ADAMTS4: variants seen among roughly 807,000 people sequenced by gnomAD.
ADAMTS4 encodes the protein A disintegrin and metalloproteinase with thrombospondin motifs 4.
In ADAMTS4, 38 loss-of-function variants were observed where a neutral mutation model predicts 66.7. The observed-to-expected ratio is 0.57, with a 90% confidence interval of 0.44 to 0.75. ADAMTS4 has a LOEUF of 0.75. Ranked by LOEUF, ADAMTS4 falls within the 30% of genes least tolerant of loss-of-function variation. The probability of loss-of-function intolerance (pLI) is 0.00; values close to 1 mark genes in which losing one functional copy is unlikely to be tolerated. For missense variants in ADAMTS4, 1,014 were observed against 1,116.7 expected (o/e 0.91, Z 1.31); for synonymous variants, 418 against 461.5 (o/e 0.91, Z 1.21).
rs1007327166 is a variant in ADAMTS4, at chr1:161,189,267, G to A, written c.*1871C>T. The A allele has an allele frequency of 6.6e-6, 1 of 151,976 alleles. No individual in the cohort carries two copies. Among genetic ancestry groups the A allele is most frequent in the African/African-American group, 2.4e-5 (1 of 41,356 alleles). 9.4% of individuals were successfully genotyped at this position (151,976 alleles called of 1,614,324 possible). A position where few individuals can be genotyped will look rare whatever the true frequency, so the allele number is the denominator to read the frequency against. The stretch of plus-strand genomic sequence containing the variant: ...GTTAGTCCCATATGAGCAATCTAAG[G>A]CTCAGCATCAGTGACTTACCCAACA... On this transcript the variant is annotated 3_prime_UTR_variant, in exon 9 of 9. Coordinates refer to ENST00000367996, the MANE Select transcript of ADAMTS4 (RefSeq NM_005099.6).
rs977035694 is a variant in ADAMTS4, at chr1:161,193,876, C to A, written c.1549-50G>T. The A allele has an allele frequency of 2.6e-6, 4 of 1,566,912 alleles. No homozygotes were observed. Among genetic ancestry groups the A allele is most frequent in the Non-Finnish European group, 3.5e-6 (4 of 1,154,252 alleles). On this transcript the variant is annotated intron_variant, in intron 5 of 8. Coordinates refer to ENST00000367996, the MANE Select transcript of ADAMTS4 (RefSeq NM_005099.6). The surrounding 1 kb of genome is among the most constrained non-coding windows in gnomAD (Gnocchi z 4.4). ...GGGCATAAGTGAACTCTCTCCTGGGCTTAAGGCCAGTCCCCACACCCCCGG... is the reference window on the plus strand; with the variant it reads ...GGGCATAAGTGAACTCTCTCCTGGGATTAAGGCCAGTCCCCACACCCCCGG...
At position 161,187,743 on chromosome 1, in the gene ADAMTS4, G is replaced by C. The variant is rs1205689010; in HGVS notation, c.*3395C>G. ...TGCTATGGCAGAGTGAAGTGCCTTTGGTTCCCCCATTCTTCACTCTTCCAC... is the reference window on the plus strand; with the variant it reads ...TGCTATGGCAGAGTGAAGTGCCTTTCGTTCCCCCATTCTTCACTCTTCCAC... On this transcript the variant is annotated 3_prime_UTR_variant, in exon 9 of 9. Coordinates refer to ENST00000367996, the MANE Select transcript of ADAMTS4 (RefSeq NM_005099.6). 1 of 152,102 alleles carries C rather than the reference G, an allele frequency of 6.6e-6. No individual in the cohort carries two copies. Among genetic ancestry groups the C allele is most frequent in the Non-Finnish European group, 1.5e-5 (1 of 68,036 alleles). 9.4% of individuals were successfully genotyped at this position (152,102 alleles called of 1,614,324 possible). A position where few individuals can be genotyped will look rare whatever the true frequency, so the allele number is the denominator to read the frequency against.
rs1412095943 is a variant in ADAMTS4 at position 161,198,602 on chromosome 1, C to T, written c.26G>A (p.Gly9Glu). ...CAGCCAGCGCCCTGCCAAGCCCCTC[C>T]CGGGATGCGAGCCTGTCTGGGACAT... is the stretch of plus-strand genomic sequence containing the variant. MSQTGSHP[G>E]RGLAGRWLWG... Residue 9 changes from glycine to glutamate, a missense_variant, in exon 1 of 9, where the codon GGG (glycine) becomes GAG (glutamate). Transcript: ENST00000367996. The surrounding 1 kb of genome is among the most constrained non-coding windows in gnomAD (Gnocchi z 4.7). 2 of 1,538,212 alleles carry T rather than the reference C, an allele frequency of 1.3e-6. No individual in the cohort carries two copies. The highest frequency in any genetic ancestry group is 2.5e-5 in the South Asian group (2 of 80,748).
chr1:161,192,220 AC>A lies in ADAMTS4; in HGVS notation c.1931del (p.Cys644PhefsTer86). On this transcript the variant is annotated frameshift_variant, in exon 8 of 9. Coordinates refer to ENST00000367996, the MANE Select transcript of ADAMTS4 (RefSeq NM_005099.6). LOFTEE classifies it high-confidence loss of function. ...CACAGACCGAGGAGCTGTCCGGGGA[AC>A]AGGGGGTCCCATCTACCACCTGAGG... ...LEPRVVDGTP[C>X]SPDSSSVCVQ... The A allele has an allele frequency of 6.2e-7, 1 of 1,613,836 alleles. No homozygotes were observed. The highest frequency in any genetic ancestry group is 8.5e-7 in the Non-Finnish European group (1 of 1,179,854).
Position 161,198,510 on chromosome 1 carries a change from G to T in ADAMTS4, c.118C>A (p.Leu40Ile). 6.4e-7 allele frequency: 1 copy of T among 1,566,360 alleles called. No homozygotes were observed. Among genetic ancestry groups the T allele is most frequent in the East Asian group, 2.4e-5 (1 of 42,092 alleles). Residue 40 changes from leucine (L) to isoleucine (I), a missense_variant, in exon 1 of 9, where the codon CTA becomes ATA. By Grantham distance (5) the Leu-to-Ile change is conservative. Coordinates refer to ENST00000367996, the MANE Select transcript of ADAMTS4 (RefSeq NM_005099.6). This position sits in a 1 kb window ranked among gnomAD's most constrained non-coding sequence, Gnocchi z 4.7. ...GAGGGCAGGAGAGAGGCCAGCAGTA[G>T]CAGAAGCAGCCACACCAGCCAGGAG... ...PLSWLVWLLL[L>I]LLASLLPSAR...
In ADAMTS4 at chr1:161,195,535, A is replaced by G. The variant is rs1411639454; in HGVS notation, c.1191T>C (p.His397=). ...GGGACCAGGGCTCCTCAGGATCCACATGAGCCATCACAGGGGCCATGACAT... is the reference window on the plus strand; with the variant it reads ...GGGACCAGGGCTCCTCAGGATCCACGTGAGCCATCACAGGGGCCATGACAT... The part of the protein sequence containing the change: ...SRHVMAPVMA[H]VDPEEPWSPC... Residue 397 remains histidine (H), a synonymous_variant, in exon 4 of 9, where the codon CAT becomes CAC. Coordinates refer to ENST00000367996, the MANE Select transcript of ADAMTS4 (RefSeq NM_005099.6). 6.2e-7 allele frequency: 1 copy of G among 1,613,916 alleles called. No homozygotes were observed. Among genetic ancestry groups the G allele is most frequent in the Non-Finnish European group, 8.5e-7 (1 of 1,179,946 alleles).
At position 161,189,814 on chromosome 1, in the gene ADAMTS4, A is replaced by T. The variant is rs1347982024; in HGVS notation, c.*1324T>A. ...ACAACAAACTTCTAAGGGAGGTATT[A>T]TTATTGGCAAATGAGAAATCTAATG... is the stretch of plus-strand genomic sequence containing the variant. On this transcript the variant is annotated 3_prime_UTR_variant, in exon 9 of 9. Coordinates refer to ENST00000367996, the MANE Select transcript of ADAMTS4 (RefSeq NM_005099.6). The T allele has an allele frequency of 6.6e-6, 1 of 152,254 alleles. No homozygotes were observed. Among genetic ancestry groups the T allele is most frequent in the East Asian group, 1.9e-4 (1 of 5,208 alleles). The allele number at this position is 152,254 out of a possible 1,614,324, so 9.4% of individuals were successfully genotyped here.
Position 161,198,234 on chromosome 1 carries a change from TGGTGCCAGTCAGGTA to T in ADAMTS4, c.379_393del (p.Tyr127_Thr131del). ...GCCACCGACTCCGGATCTCCATTGA[TGGTGCCAGTCAGGTA>T]GGTGCCAGGCTCTGCTCCACCCAGC... is the stretch of plus-strand genomic sequence containing the variant. On this transcript the variant is annotated inframe_deletion, in exon 1 of 9. Coordinates refer to ENST00000367996, the MANE Select transcript of ADAMTS4 (RefSeq NM_005099.6). The surrounding 1 kb of genome is among the most constrained non-coding windows in gnomAD (Gnocchi z 4.7). 6.2e-7 allele frequency: 1 copy of T among 1,614,128 alleles called. No individual in the cohort carries two copies. The highest frequency in any genetic ancestry group is 8.5e-7 in the Non-Finnish European group (1 of 1,179,994).
At position 161,193,183 on chromosome 1, in the gene ADAMTS4, G is replaced by T. The variant is rs1258064600; in HGVS notation, c.1911+30C>A. The T allele has an allele frequency of 6.3e-7, 1 of 1,596,000 alleles. No individual in the cohort carries two copies. ...AGCACTGCGGGTGTGTGTGACCATA[G>T]ACAGGGCCTGGGGGTGTCCTGACCC... On this transcript the variant is annotated intron_variant, in intron 7 of 8. Transcript: ENST00000367996. The surrounding 1 kb of genome is among the most constrained non-coding windows in gnomAD (Gnocchi z 4.4).
chr1:161,184,408 T>C lies in ADAMTS4; in HGVS notation c.*6730A>G, dbSNP rs1353112423. On this transcript the variant is annotated 3_prime_UTR_variant, in exon 9 of 9. Coordinates refer to ENST00000367996, the MANE Select transcript of ADAMTS4 (RefSeq NM_005099.6). ...AGTCTGGACCTCTCTATAAGGCAGG[T>C]AATAGTACAAACGTTTTGTAGGTAA... The C allele has an allele frequency of 6.6e-6, 1 of 152,216 alleles. No homozygotes were observed. Among genetic ancestry groups the C allele is most frequent in the Non-Finnish European group, 1.5e-5 (1 of 68,044 alleles). The allele number at this position is 152,216 out of a possible 1,614,324, so 9.4% of individuals were successfully genotyped here.
Position 161,191,301 on chromosome 1 carries a change from T to G in ADAMTS4, c.2351A>C (p.Gln784Pro). The G allele has an allele frequency of 6.2e-7, 1 of 1,613,940 alleles. No homozygotes were observed. Among genetic ancestry groups the G allele is most frequent in the South Asian group, 1.1e-5 (1 of 91,090 alleles). Reference protein sequence around the residue: ...HGPLAQPLTLQVLVAGNPQDT... With the variant: ...HGPLAQPLTLPVLVAGNPQDT... Reference sequence around the variant, plus strand: ...CTGGGGGTTGCCAGCCACTAGGACTTGCAGTGTCAAAGGCTGGGCCAGTGG... The same window carrying G: ...CTGGGGGTTGCCAGCCACTAGGACTGGCAGTGTCAAAGGCTGGGCCAGTGG... The change falls in exon 9 of 9, where the codon CAA (glutamine) becomes CCA (proline). Residue 784 changes from glutamine to proline, a missense_variant. Gln to Pro is a moderately conservative substitution (Grantham distance 76). Transcript: ENST00000367996.
chr1:161,198,601 C>A lies in ADAMTS4; in HGVS notation c.27G>T (p.Gly9=). The A allele has an allele frequency of 1.3e-6, 2 of 1,538,556 alleles. No homozygotes were observed. The highest frequency in any genetic ancestry group is 2.5e-5 in the South Asian group (2 of 80,882). MSQTGSHP[G]RGLAGRWLWG... ...ACAGCCAGCGCCCTGCCAAGCCCCT[C>A]CCGGGATGCGAGCCTGTCTGGGACA... The change falls in exon 1 of 9, where the codon GGG becomes GGT. Residue 9 remains glycine (G), a synonymous_variant. Coordinates refer to ENST00000367996, the MANE Select transcript of ADAMTS4 (RefSeq NM_005099.6). This position sits in a 1 kb window ranked among gnomAD's most constrained non-coding sequence, Gnocchi z 4.7.
rs753708382 is a variant in ADAMTS4 at position 161,193,238 on chromosome 1, C to A, written c.1886G>T (p.Gly629Val). The change falls in exon 7 of 9, where the codon GGC (glycine) becomes GTC (valine). Residue 629 changes from glycine to valine, a missense_variant. Transcript: ENST00000367996. This position sits in a 1 kb window ranked among gnomAD's most constrained non-coding sequence, Gnocchi z 4.4. ...CCGTGGCTCCAGCACATAGTAGTAG[C>A]CCAGTGCCTGGGCCTGGCAGGTGAG... ...CKLTCQAQAL[G>V]YYYVLEPRVV... 1.9e-6 allele frequency: 3 copies of A among 1,613,790 alleles called. No homozygotes were observed. The highest frequency in any genetic ancestry group is 2.5e-6 in the Non-Finnish European group (3 of 1,179,922).
rs1664767405 is a variant in ADAMTS4 at position 161,194,508 on chromosome 1, G to A, written c.1262-287C>T. Among the ~76,000 whole-genome samples, 2 of 151,838 alleles carry A rather than the reference G, an allele frequency of 1.3e-5. No homozygotes were observed. Among genetic ancestry groups the A allele is most frequent in the South Asian group, 4.2e-4 (2 of 4,810 alleles). ...GGGCTCAAGCAAACTTCCTGCCTTGGGCTCCTGAGTAGCTGGGATTACAGG... is the reference window on the plus strand; with the variant it reads ...GGGCTCAAGCAAACTTCCTGCCTTGAGCTCCTGAGTAGCTGGGATTACAGG... On this transcript the variant is annotated intron_variant, in intron 4 of 8. Coordinates refer to ENST00000367996, the MANE Select transcript of ADAMTS4 (RefSeq NM_005099.6). The surrounding 1 kb of genome is among the most constrained non-coding windows in gnomAD (Gnocchi z 4.1).
rs914471176 is a variant in ADAMTS4, at chr1:161,196,977, G to C, written c.634-97C>G. The C allele has an allele frequency of 2.5e-6, 3 of 1,184,250 alleles. No individual in the cohort carries two copies. The Admixed American group carries it at 6.7e-5, about 26-fold the overall frequency. The allele number at this position is 1,184,250 out of a possible 1,614,324, so 73.4% of individuals were successfully genotyped here. A position where few individuals can be genotyped will look rare whatever the true frequency, so the allele number is the denominator to read the frequency against. On this transcript the variant is annotated intron_variant, in intron 1 of 8. Transcript: ENST00000367996. ...CCTCACTTCCTGGGTCTGGAACTCA[G>C]CATAGTCAGCTGGGCCCCACACACC...
chr1:161,196,170 C>T lies in ADAMTS4; in HGVS notation c.1090+1G>A. ...ACCTTTCTCATCCACCCCTACTTTA[C>T]CCAGTTCATGAGCAGCAGTGAAGGC... On this transcript the variant is annotated splice_donor_variant, in intron 3 of 8. Coordinates refer to ENST00000367996, the MANE Select transcript of ADAMTS4 (RefSeq NM_005099.6). LOFTEE classifies it high-confidence loss of function. 1 of 1,591,706 alleles carries T rather than the reference C, an allele frequency of 6.3e-7. No homozygotes were observed.
rs767364588 is a variant in ADAMTS4, at chr1:161,194,123, C to T, written c.1360G>A (p.Gly454Arg). The change falls in exon 5 of 9, where the codon GGG (glycine) becomes AGG (arginine). Residue 454 changes from glycine (G) to arginine (R), a missense_variant. Coordinates refer to ENST00000367996, the MANE Select transcript of ADAMTS4 (RefSeq NM_005099.6). This position sits in a 1 kb window ranked among gnomAD's most constrained non-coding sequence, Gnocchi z 4.1. ...TGTGGACAATGGCGTGAGTCGGGCC[C>T]GAAGGTCAGCTGGCACTGGCGGTCA... The part of the protein sequence containing the change: ...DADRQCQLTF[G>R]PDSRHCPQLP... 1.5e-5 allele frequency: 24 copies of T among 1,614,082 alleles called. No individual in the cohort carries two copies. In the East Asian group the frequency reaches 2.2e-4, roughly 15 times the overall value.
Position 161,195,495 on chromosome 1 carries a change from A to G in ADAMTS4, c.1231T>C (p.Phe411Leu). 6.2e-7 allele frequency: 1 copy of G among 1,612,672 alleles called. No individual in the cohort carries two copies. Among genetic ancestry groups the G allele is most frequent in the Admixed American group, 1.7e-5 (1 of 59,764 alleles). ...EEPWSPCSAR[F>L]ITDFLDNGYG... is the part of the protein sequence containing the mutation. Reference sequence around the variant, plus strand: ...CCATTGTCCAGGAAGTCAGTGATGAAGCGGGCACTGCAGGGGGACCAGGGC... The same window carrying G: ...CCATTGTCCAGGAAGTCAGTGATGAGGCGGGCACTGCAGGGGGACCAGGGC... Residue 411 changes from phenylalanine to leucine, a missense_variant, in exon 4 of 9, where the codon TTC becomes CTC. Physicochemically the swap from Phe to Leu is conservative, Grantham distance 22. Coordinates refer to ENST00000367996, the MANE Select transcript of ADAMTS4 (RefSeq NM_005099.6).
At chr1:161,197,539 C>T (rs895244904) in intron 1 of ADAMTS4, 2 of 165,938 alleles carry the variant, frequency 1.2e-5, no homozygotes, top group Admixed American at 1.2e-4. Flanking sequence ...TGCAGTTTGC[C>T]ACAGTGATTT....
Sources: allele counts gnomAD v4.1 joint callset (sites outside exome capture counted in the v4.1 genomes callset), GRCh38; gene constraint gnomAD v4.1.1; non-coding constraint Gnocchi (gnomAD v3.1); transcripts MANE v1.5; gene names NCBI Gene and HGNC (gene_info 2026-07-23, HGNC 2026-07-21).